ANO10: variants seen among roughly 807,000 people sequenced by gnomAD.
The protein encoded by ANO10 is anoctamin 10, also known as anoctamin-10.
In ANO10, 77 loss-of-function variants were observed where a neutral mutation model predicts 74.7. The observed-to-expected ratio is 1.03, with a 90% confidence interval of 0.86 to 1.25. ANO10 has a LOEUF of 1.25. ANO10 is among the 50% of genes most tolerant of loss of function. The probability of loss-of-function intolerance (pLI) is 0.00; values close to 1 mark genes in which losing one functional copy is unlikely to be tolerated. For synonymous variants in ANO10, 279 were observed against 284.9 expected (o/e 0.98, Z 0.21); for missense variants, 721 against 778.1 (o/e 0.93, Z 0.87).
chr3:43,588,578 A>AG (rs397989361), intron 4 of ANO10, among the ~76,000 whole-genome samples: 1 of 151,638 alleles, frequency 6.6e-6, no homozygotes, highest in Non-Finnish European at 1.5e-5. Flanking sequence ...AAAAAAAAAA[A>AG]TCCTCAGATT....
At chr3:43,423,404 A>G (rs556655886) in intron 12 of ANO10, among the ~76,000 whole-genome samples, 8 of 152,334 alleles carry the variant, frequency 5.3e-5, no homozygotes, top group African/African-American at 1.4e-4. Context: ...GCCAGGCCCT[A>G]TGCTGGGTGA....
chr3:43,571,533 T>C (rs1471946885), intron 7 of ANO10, among the ~76,000 whole-genome samples: 2 of 152,032 alleles, frequency 1.3e-5, no homozygotes, highest in African/African-American at 4.8e-5. Context: ...ATGTCCTTTG[T>C]AGGGACATGG....
intron 12 of ANO10, among the ~76,000 whole-genome samples, chr3:43,378,474 T>C (rs2091872397): frequency 2.0e-5 from 3 of 152,230 alleles, no homozygotes; most frequent in South Asian, 4.1e-4. Context: ...CTTTACAATC[T>C]TTCCCAGGGC....
rs541865629 is a variant in ANO10 at position 43,473,863 on chromosome 3, A to G, written c.1798-41136T>C. ...GGAAGGCTATACAAAGAAAATTACA[A>G]CCCCTGAAGATGGAGAGGTCTGGAG... On this transcript the variant is annotated intron_variant, in intron 11 of 12. Transcript: ENST00000292246. Among the ~76,000 whole-genome samples the G allele has an allele frequency of 3.9e-5, 6 of 152,138 alleles. No homozygotes were observed. In the South Asian group the frequency reaches 1.2e-3, roughly 32 times the overall value.
intron 11 of ANO10, among the ~76,000 whole-genome samples, chr3:43,519,556 T>A (rs946580632): frequency 2.6e-5 from 4 of 152,182 alleles, no homozygotes; most frequent in Non-Finnish European, 5.9e-5. Flanking sequence ...ATCTAATTCA[T>A]ACATTTGGTT....
chr3:43,507,514 C>T (rs1044103787), intron 11 of ANO10, among the ~76,000 whole-genome samples: 1 of 152,002 alleles, frequency 6.6e-6, no homozygotes, highest in Non-Finnish European at 1.5e-5. Context: ...AGTTTAGAAG[C>T]AGACCAGTCA....
intron 4 of ANO10, among the ~76,000 whole-genome samples, chr3:43,588,542 T>A (rs1441541180): frequency 7.0e-6 from 1 of 143,390 alleles, no homozygotes; most frequent in African/African-American, 2.6e-5. Context: ...GTAAATATTT[T>A]ACTTAGTATA....
At chr3:43,399,413 T>C (rs994568298) in intron 12 of ANO10, among the ~76,000 whole-genome samples, 2 of 152,242 alleles carry the variant, frequency 1.3e-5, no homozygotes, top group Middle Eastern at 3.2e-3. Context: ...GTTCTCATTT[T>C]ACTTTGCTGT....
intron 10 of ANO10, among the ~76,000 whole-genome samples, chr3:43,552,174 G>A (rs1478194290): frequency 6.6e-6 from 1 of 152,138 alleles, no homozygotes; most frequent in East Asian, 1.9e-4. Context: ...ATCAGTTTGA[G>A]TGAAGCACAG....
At chr3:43,474,984 C>T (rs2076010484) in intron 11 of ANO10, among the ~76,000 whole-genome samples, 1 of 152,068 alleles carries the variant, frequency 6.6e-6, no homozygotes, top group Non-Finnish European at 1.5e-5. Flanking sequence ...GAAAGAAACA[C>T]AGAAAAGCCA....
rs181708765 is a variant in ANO10 at position 43,591,785 on chromosome 3, G to A, written c.472+6747C>T. On this transcript the variant is annotated intron_variant, in intron 4 of 12. Transcript: ENST00000292246. ...GTGGGTGCAGCGCACGGACAGAGCC[G>A]AAGCAGGGCGAGGAATCACCTCACC... Among the ~76,000 whole-genome samples, 909 of 152,322 alleles carry A rather than the reference G, an allele frequency of 6.0e-3. 10 individuals carry two copies. Among genetic ancestry groups the A allele is most frequent in the African/African-American group, 0.02 (835 of 41,580 alleles).
At chr3:43,611,797 G>A (rs1002624877) in intron 1 of ANO10, among the ~76,000 whole-genome samples, 2 of 152,080 alleles carry the variant, frequency 1.3e-5, no homozygotes, top group African/African-American at 4.8e-5. Context: ...CAAGTTTCCA[G>A]CTCTAACCAG....
intron 11 of ANO10, among the ~76,000 whole-genome samples, chr3:43,517,116 AT>A (rs1218127435): frequency 6.6e-6 from 1 of 152,150 alleles, no homozygotes; most frequent in Non-Finnish European, 1.5e-5. Flanking sequence ...TAATCAGTAC[AT>A]TTTTTTCAGT....
chr3:43,489,463 C>T (rs2076634075), intron 11 of ANO10, among the ~76,000 whole-genome samples: 1 of 152,120 alleles, frequency 6.6e-6, no homozygotes, highest in Admixed American at 6.5e-5. Flanking sequence ...TTCCCATGTA[C>T]ACGTTAAATA....
intron 11 of ANO10, among the ~76,000 whole-genome samples, chr3:43,520,328 C>T (rs907425989): frequency 6.6e-6 from 1 of 152,156 alleles, no homozygotes; most frequent in Admixed American, 6.6e-5. Context: ...TTATTTCTCA[C>T]AGTACCAGAG....
chr3:43,625,793 T>C (rs1352915517), upstream of ANO10, among the ~76,000 whole-genome samples: 2 of 152,224 alleles, frequency 1.3e-5, no homozygotes, highest in African/African-American at 2.4e-5. Flanking sequence ...TGATTTATCT[T>C]ATGCTACTTT....
chr3:43,522,858 C>T (rs1404647326), intron 11 of ANO10, among the ~76,000 whole-genome samples: 4 of 152,188 alleles, frequency 2.6e-5, no homozygotes, highest in Non-Finnish European at 5.9e-5. Flanking sequence ...CTACTGTCAG[C>T]TGAGTGGATT....
chr3:43,550,675 G>A (rs1326405365), intron 10 of ANO10, among the ~76,000 whole-genome samples: 1 of 150,592 alleles, frequency 6.6e-6, no homozygotes, highest in Non-Finnish European at 1.5e-5. Context: ...AAATCTTTGT[G>A]TAGTCTGATT....
intron 12 of ANO10, among the ~76,000 whole-genome samples, chr3:43,415,917 G>C (rs2092731640): frequency 6.6e-6 from 1 of 151,940 alleles, no homozygotes; most frequent in Non-Finnish European, 1.5e-5. Context: ...GAAGTGATCT[G>C]TGGACAGCTA....
Sources: allele counts gnomAD v4.1 joint callset (sites outside exome capture counted in the v4.1 genomes callset), GRCh38; gene constraint gnomAD v4.1.1; transcripts MANE v1.5; gene names NCBI Gene and HGNC (gene_info 2026-07-23, HGNC 2026-07-21).